The following MYO18A variants were observed in gnomAD, a reference collection of about 807,000 sequenced individuals.
MYO18A encodes the protein myosin XVIIIA, also known as unconventional myosin-XVIIIa.
In MYO18A, 78 loss-of-function variants were observed where a neutral mutation model predicts 235.8. The observed-to-expected ratio is 0.33, with a 90% CI of 0.28 to 0.40. The LOEUF (loss-of-function observed/expected upper bound fraction) is 0.40, where lower values mean the gene tolerates loss of function less well. MYO18A is among the 10% of genes least tolerant of loss of function. MYO18A has a pLI of 1.00. For synonymous variants in MYO18A, 977 were observed against 1,077.8 expected (o/e 0.91, Z 1.83); for missense variants, 2,215 against 2,699.3 (o/e 0.82, Z 3.98).
chr17:29,083,526 G>A (rs776978153), intron 40 of MYO18A, among the ~76,000 whole-genome samples: 54,917 of 140,048 alleles, frequency 0.39, 11,885 homozygotes, highest in East Asian at 0.84. Flanking sequence ...ATGTGTGCGC[G>A]CGCGCGCACA....
At chr17:29,155,625 G>C (rs181876397) in intron 2 of MYO18A, 46 of 152,538 alleles carry the variant, frequency 3.0e-4, no homozygotes, top group Admixed American at 3.0e-3. Flanking sequence ...GACCCACAGA[G>C]TACAAGACAG....
rs1387726585 is a variant in MYO18A, at chr17:29,120,053, T to A, written c.1728+563A>T. On this transcript the variant is annotated intron_variant, in intron 7 of 41. Coordinates refer to ENST00000527372, the MANE Select transcript of MYO18A (RefSeq NM_078471.4). The surrounding 1 kb of genome is among the most constrained non-coding windows in gnomAD (Gnocchi z 4.2). The stretch of plus-strand genomic sequence containing the variant: ...ACCACATCTGGCTCAATTAAGCAGG[T>A]GCATCTTATTCCCAAGGTGCTCAAT... 6.6e-6 allele frequency among the ~76,000 whole-genome samples: 1 copy of A among 152,098 alleles called. No homozygotes were observed. Among genetic ancestry groups the A allele is most frequent in the Non-Finnish European group, 1.5e-5 (1 of 68,012 alleles).
intron 20 of MYO18A, among the ~76,000 whole-genome samples, chr17:29,104,346 G>C (rs557168522): frequency 8.5e-5 from 13 of 152,328 alleles, no homozygotes; most frequent in South Asian, 8.3e-4. Context: ...AGGAGACAGA[G>C]CCTTGCTGGA....
intron 28 of MYO18A, 107 bp from the exon 29 acceptor site, chr17:29,095,166 G>A: frequency 2.8e-6 from 4 of 1,422,018 alleles, no homozygotes; most frequent in Non-Finnish European, 9.3e-7. Context: ...GGGGTGGGGG[G>A]ACCCATGCAG....
At chr17:29,108,558 G>A (rs956122237) in intron 19 of MYO18A, among the ~76,000 whole-genome samples, 2 of 152,228 alleles carry the variant, frequency 1.3e-5, no homozygotes, top group African/African-American at 4.8e-5. Flanking sequence ...GCTGGGGGCA[G>A]AACTGGCTTC....
chr17:29,112,765 C>A (rs977317928), intron 15 of MYO18A, among the ~76,000 whole-genome samples: 2 of 152,190 alleles, frequency 1.3e-5, no homozygotes, highest in Non-Finnish European at 2.9e-5. Context: ...GAGAAAAGGG[C>A]CATTTTTCCT....
intron 21 of MYO18A, among the ~76,000 whole-genome samples, chr17:29,101,548 C>A (rs1018721269): frequency 3.3e-5 from 5 of 152,192 alleles, no homozygotes; most frequent in Admixed American, 3.3e-4. Flanking sequence ...CTCAGGCAAT[C>A]TGCCCACCTC....
chr17:29,148,720 A>G (rs1041679570), intron 2 of MYO18A, among the ~76,000 whole-genome samples: 1 of 152,172 alleles, frequency 6.6e-6, no homozygotes, highest in Non-Finnish European at 1.5e-5. Flanking sequence ...GCCGATAGCC[A>G]GTGGATTCTG....
chr17:29,092,741 C>T, intron 33 of MYO18A, 114 bp downstream of exon 33: 1 of 1,441,868 alleles, frequency 6.9e-7, no homozygotes, highest in Non-Finnish European at 9.4e-7. Context: ...CCCCTCTTTC[C>T]TGTCACTTTC....
chr17:29,128,718 A>G (rs8075284), intron 2 of MYO18A, among the ~76,000 whole-genome samples: 92,952 of 152,100 alleles, frequency 0.61, 29,267 homozygotes, highest in East Asian at 0.89. Context: ...CCATCTTACA[A>G]ATAGGACAAC....
Position 29,097,824 on chromosome 17 carries a change from C to A in MYO18A, c.4066G>T (p.Ala1356Ser). Residue 1356 changes from alanine to serine, a missense_variant, in exon 26 of 42, where the codon GCG (alanine) becomes TCG (serine). Transcript: ENST00000527372. ...TCATCCACTTCCCCGTTGATCTCCGCTGCCCGGATGAGACGGGCCTCCATC... is the reference window on the plus strand; with the variant it reads ...TCATCCACTTCCCCGTTGATCTCCGATGCCCGGATGAGACGGGCCTCCATC... ...EVMEARLIRAAEINGEVDDDD... is the reference protein window; with the variant it reads ...EVMEARLIRASEINGEVDDDD... 1 of 1,613,818 alleles carries A rather than the reference C, an allele frequency of 6.2e-7. No individual in the cohort carries two copies. The highest frequency in any genetic ancestry group is 1.3e-5 in the African/African-American group (1 of 75,070).
chr17:29,099,476 C>T (rs1805499544), intron 22 of MYO18A, among the ~76,000 whole-genome samples, 158 bp downstream of exon 22: 1 of 152,114 alleles, frequency 6.6e-6, no homozygotes, highest in Admixed American at 6.5e-5. Context: ...CACACCAGCA[C>T]ACTTGCTGGC....
In MYO18A at chr17:29,122,348, G is replaced by A. The variant is rs1340317156; in HGVS notation, c.1000-95C>T. ...AGACAAGTGAGGGCATGGGCTTTGA[G>A]ACAAGCCACTGGGCAAGGAATGAGT... On this transcript the variant is annotated intron_variant, in intron 2 of 41. Coordinates refer to ENST00000527372, the MANE Select transcript of MYO18A (RefSeq NM_078471.4). 9 of 1,110,240 alleles carry A rather than the reference G, an allele frequency of 8.1e-6. No homozygotes were observed. In the East Asian group the frequency reaches 2.1e-4, roughly 25 times the overall value. The allele number at this position is 1,110,240 out of a possible 1,614,324, so 68.8% of individuals were successfully genotyped here.
rs2066790981 is a variant in MYO18A, at chr17:29,106,596, C to A, written c.3441+484G>T. ...GTGATAGCCCAGACGGGCAGGGACA[C>A]CCCTTCCGCAGCCACAAGTTCACCA... On this transcript the variant is annotated intron_variant, in intron 20 of 41. Coordinates refer to ENST00000527372, the MANE Select transcript of MYO18A (RefSeq NM_078471.4). This position sits in a 1 kb window ranked among gnomAD's most constrained non-coding sequence, Gnocchi z 4.6. 6.6e-6 allele frequency among the ~76,000 whole-genome samples: 1 copy of A among 152,156 alleles called. No individual in the cohort carries two copies. Among genetic ancestry groups the A allele is most frequent in the Non-Finnish European group, 1.5e-5 (1 of 68,022 alleles).
At chr17:29,177,768 C>T (rs2068565148) in intron 1 of MYO18A, among the ~76,000 whole-genome samples, 1 of 152,176 alleles carries the variant, frequency 6.6e-6, no homozygotes, top group Non-Finnish European at 1.5e-5. Context: ...AGTTTTCCCA[C>T]CACACTCAGG....
At chr17:29,148,452 T>C (rs1195594062) in intron 2 of MYO18A, among the ~76,000 whole-genome samples, 3 of 152,194 alleles carry the variant, frequency 2.0e-5, no homozygotes. Flanking sequence ...GCAGGTGCAC[T>C]TCCAGGATGA....
Position 29,072,156 on chromosome 17 carries a change from C to T in MYO18A, c.*2614G>A, listed in dbSNP as rs2065890781. The T allele has an allele frequency of 7.1e-6, 1 of 140,934 alleles. No individual in the cohort carries two copies. The highest frequency in any genetic ancestry group is 2.6e-5 in the African/African-American group (1 of 38,088). The allele number at this position is 140,934 out of a possible 1,614,324, so 8.7% of individuals were successfully genotyped here. A position where few individuals can be genotyped will look rare whatever the true frequency, so the allele number is the denominator to read the frequency against. ...GAAAATGTACCACGCTATGTGAAAACAGGAATAAAAGATGAGAGTGACAGA... is the reference window on the plus strand; with the variant it reads ...GAAAATGTACCACGCTATGTGAAAATAGGAATAAAAGATGAGAGTGACAGA... On this transcript the variant is annotated 3_prime_UTR_variant, in exon 42 of 42. Coordinates refer to ENST00000527372, the MANE Select transcript of MYO18A (RefSeq NM_078471.4).
intron 2 of MYO18A, among the ~76,000 whole-genome samples, chr17:29,141,637 G>A (rs1215117818): frequency 6.6e-6 from 1 of 152,208 alleles, no homozygotes; most frequent in Non-Finnish European, 1.5e-5. Flanking sequence ...CCTCCTACCT[G>A]CCATGCGCTG....
chr17:29,135,096 CTT>C (rs879638543), intron 2 of MYO18A, among the ~76,000 whole-genome samples: 5 of 144,692 alleles, frequency 3.5e-5, no homozygotes, highest in Non-Finnish European at 4.6e-5. Context: ...ATAACTGGTT[CTT>C]TTTTTTTTTT....
Sources: gnomAD v4.1 joint callset for allele counts (sites outside exome capture counted in the v4.1 genomes callset) on GRCh38, gnomAD v4.1.1 for gene constraint, Gnocchi (gnomAD v3.1) non-coding constraint, MANE v1.5 for transcripts, NCBI Gene and HGNC (gene_info 2026-07-23, HGNC 2026-07-21) for gene names.